Variants in GRIP1 observed in about 807,000 individuals in gnomAD.
The protein encoded by GRIP1 is glutamate receptor interacting protein 1.
Under a neutral mutation model 129.9 loss-of-function variants are expected in GRIP1, and 45 were observed. The ratio of observed to expected loss-of-function variants is 0.35; its 90% CI spans 0.27 to 0.44. The LOEUF is 0.44. GRIP1 is among the 20% of genes least tolerant of loss of function. GRIP1 has a pLI of 1.00. For missense variants in GRIP1, 1,196 were observed against 1,396.8 expected (o/e 0.86, Z 2.29); for synonymous variants, 530 against 520.8 (o/e 1.02, Z -0.24).
chr12:66,755,668 C>G (rs2037265617), intron 1 of GRIP1, among the ~76,000 whole-genome samples: 1 of 152,148 alleles, frequency 6.6e-6, no homozygotes, highest in Non-Finnish European at 1.5e-5. Context: ...CTCTCCGTTA[C>G]CCAGCTGAAG....
intron 16 of GRIP1, 36 bp downstream of exon 16, chr12:66,406,247 C>G (rs767529511): frequency 1.2e-6 from 2 of 1,608,924 alleles, no homozygotes; most frequent in Non-Finnish European, 1.7e-6. Context: ...ATGGGCAGTT[C>G]GAAAAATCAG....
At chr12:66,938,389 G>A (rs990318497) in intron 1 of GRIP1, among the ~76,000 whole-genome samples, 3 of 151,886 alleles carry the variant, frequency 2.0e-5, no homozygotes, top group Non-Finnish European at 2.9e-5. Context: ...TAATAATAAT[G>A]ATAATAATAA....
intron 1 of GRIP1, among the ~76,000 whole-genome samples, chr12:66,674,840 G>A (rs1367819716): frequency 6.6e-6 from 1 of 152,036 alleles, no homozygotes; most frequent in East Asian, 1.9e-4. Flanking sequence ...CCAGACAGCA[G>A]AAAAGGAGAA....
At chr12:66,688,584 C>A (rs940909427) in intron 1 of GRIP1, among the ~76,000 whole-genome samples, 6 of 151,918 alleles carry the variant, frequency 3.9e-5, no homozygotes, top group African/African-American at 1.5e-4. Context: ...CACATTTTAC[C>A]AAATCTCAAA....
chr12:66,476,631 A>AT (rs1211159038), intron 7 of GRIP1, among the ~76,000 whole-genome samples: 1 of 152,214 alleles, frequency 6.6e-6, no homozygotes, highest in African/African-American at 2.4e-5. Flanking sequence ...ATCCTCAATA[A>AT]AATACTGGCA....
At chr12:66,777,258 C>T (rs1047207457) in intron 1 of GRIP1, among the ~76,000 whole-genome samples, 3 of 152,090 alleles carry the variant, frequency 2.0e-5, no homozygotes, top group South Asian at 2.1e-4. Flanking sequence ...TCACTCCAGC[C>T]ACACTGGCCT....
chr12:66,878,480 G>A (rs1030089671), intron 1 of GRIP1, among the ~76,000 whole-genome samples: 1 of 151,972 alleles, frequency 6.6e-6, no homozygotes, highest in Non-Finnish European at 1.5e-5. Context: ...AGAAAATGGA[G>A]GGCAGATTGG....
At chr12:67,064,282 A>G (rs1252459800) in intron 1 of GRIP1, among the ~76,000 whole-genome samples, 2 of 152,236 alleles carry the variant, frequency 1.3e-5, no homozygotes, top group Non-Finnish European at 2.9e-5. Context: ...GTTTATTAGA[A>G]TTTTGTCCGA....
intron 1 of GRIP1, among the ~76,000 whole-genome samples, chr12:66,642,273 A>G (rs1307786978): frequency 1.3e-5 from 2 of 148,592 alleles, no homozygotes; most frequent in Non-Finnish European, 3.0e-5. Flanking sequence ...GATGGAGAGG[A>G]GAGAACTCCA....
chr12:66,516,859 T>C (rs112516992), intron 6 of GRIP1, among the ~76,000 whole-genome samples: 181 of 152,252 alleles, frequency 1.2e-3, no homozygotes, highest in African/African-American at 3.7e-3. Context: ...GAGCTAATCA[T>C]ATGAGTTTCA....
At chr12:66,765,761 T>C (rs1432212561) in intron 1 of GRIP1, among the ~76,000 whole-genome samples, 1 of 152,206 alleles carries the variant, frequency 6.6e-6, no homozygotes, top group Non-Finnish European at 1.5e-5. Context: ...TGAAGGAGTA[T>C]TTTTCTTTTA....
intron 7 of GRIP1, among the ~76,000 whole-genome samples, chr12:66,474,428 A>T (rs2059540897): frequency 6.6e-6 from 1 of 152,136 alleles, no homozygotes; most frequent in Admixed American, 6.5e-5. Context: ...AGTAGAACTT[A>T]CCCAACCTAG....
chr12:67,008,364 T>C (rs761425085), intron 1 of GRIP1, among the ~76,000 whole-genome samples: 13 of 152,196 alleles, frequency 8.5e-5, no homozygotes, highest in South Asian at 2.1e-4. Flanking sequence ...ATCCACCATA[T>C]TGCATGTAAA....
At chr12:66,641,497 C>T (rs867244130) in intron 1 of GRIP1, among the ~76,000 whole-genome samples, 1 of 152,182 alleles carries the variant, frequency 6.6e-6, no homozygotes, top group Non-Finnish European at 1.5e-5. Context: ...TTGTAAAATA[C>T]ACCTGCTTCA....
intron 1 of GRIP1, among the ~76,000 whole-genome samples, chr12:66,781,795 G>GGTT (rs929871355): frequency 6.6e-6 from 1 of 152,194 alleles, no homozygotes; most frequent in Non-Finnish European, 1.5e-5. Flanking sequence ...TTTTAAAACA[G>GGTT]ATAATCAGAA....
At chr12:66,853,771 T>C (rs1262923841) in intron 1 of GRIP1, among the ~76,000 whole-genome samples, 1 of 152,104 alleles carries the variant, frequency 6.6e-6, no homozygotes, top group Non-Finnish European at 1.5e-5. Flanking sequence ...AAACACTATA[T>C]TGAGGCTGCA....
At chr12:66,555,132 G>A (rs940945509) in intron 2 of GRIP1, among the ~76,000 whole-genome samples, 50 of 152,192 alleles carry the variant, frequency 3.3e-4, no homozygotes, top group African/African-American at 1.2e-3. Context: ...CTGACCCAGT[G>A]CAGTCCCAGT....
intron 1 of GRIP1, among the ~76,000 whole-genome samples, chr12:66,716,445 G>C (rs1229977281): frequency 2.0e-5 from 3 of 151,370 alleles, no homozygotes; most frequent in Non-Finnish European, 2.9e-5. Flanking sequence ...ATTTCCCCAA[G>C]GGTCCATGAT....
chr12:66,587,279 C>T (rs2063676500), intron 2 of GRIP1, among the ~76,000 whole-genome samples: 1 of 152,246 alleles, frequency 6.6e-6, no homozygotes, highest in Non-Finnish European at 1.5e-5. Flanking sequence ...TCACCACTCT[C>T]ACCACTCATT....
Sources: gnomAD v4.1 joint callset for allele counts (sites outside exome capture counted in the v4.1 genomes callset) on GRCh38, gnomAD v4.1.1 for gene constraint, MANE v1.5 for transcripts, NCBI Gene and HGNC (gene_info 2026-07-23, HGNC 2026-07-21) for gene names.